The following FGF13 variants were observed in gnomAD, a reference collection of about 807,000 sequenced individuals.
FGF13 encodes the protein fibroblast growth factor homologous factor 2.
FGF13 carries 2 observed loss-of-function variants against 19.5 expected under a neutral mutation model. The ratio of observed to expected loss-of-function variants is 0.10; its 90% CI spans 0.04 to 0.32. The LOEUF is 0.32. Ranked by LOEUF, FGF13 falls within the 10% of genes least tolerant of loss-of-function variation. The pLI is 1.00. For synonymous variants in FGF13, 72 were observed against 76.9 expected (o/e 0.94, Z 0.33); for missense variants, 113 against 192.7 (o/e 0.59, Z 2.45).
intron 3 of FGF13, among the ~76,000 whole-genome samples, chrX:138,640,768 G>A (rs1383259033): frequency 9.0e-6 from 1 of 111,530 alleles, no homozygotes; most frequent in Non-Finnish European, 1.9e-5. Context: ...AAGTAATTTG[G>A]CAAACATAGG....
intron 1 of FGF13, among the ~76,000 whole-genome samples, chrX:139,186,869 C>T (rs1219355914): frequency 8.9e-6 from 1 of 111,933 alleles, no homozygotes; most frequent in East Asian, 2.8e-4. Flanking sequence ...TGATCCCAGC[C>T]GATCTCTCTC....
In FGF13 at chrX:138,632,864, T is replaced by G. The variant is rs779026537; in HGVS notation, c.724A>C (p.Asn242His). 6.6e-6 allele frequency: 8 copies of G among 1,209,434 alleles called. No homozygotes were observed. In the Admixed American group the frequency reaches 1.7e-4, roughly 26 times the overall value. ...GCCCTCACTGGCTACGTTGATTCAT[T>G]GTGGCTCATGGATTTGCCTCCGTTC... ...VLNGGKSMSHNEST is the reference protein window; with the variant it reads ...VLNGGKSMSHHEST Residue 242 changes from asparagine to histidine, a missense_variant, in exon 5 of 5, where the codon AAT becomes CAT. This residue lies in a region of FGF13 where 43 missense variants were observed against 41.4 expected (regional missense o/e 1.04). Coordinates refer to ENST00000315930, the MANE Select transcript of FGF13 (RefSeq NM_004114.5).
At chrX:138,694,447 T>TTTTA (rs2089870942) in intron 3 of FGF13, among the ~76,000 whole-genome samples, 1 of 104,642 alleles carries the variant, frequency 9.6e-6, no homozygotes, top group African/African-American at 3.5e-5. Flanking sequence ...TTTTCTTTTC[T>TTTTA]TTTCTTTTTT....
chrX:139,153,513 T>C (rs2083952328), intron 1 of FGF13, among the ~76,000 whole-genome samples: 1 of 111,143 alleles, frequency 9.0e-6, no homozygotes, highest in Non-Finnish European at 1.9e-5. Context: ...TTTCCTCCTC[T>C]TCTAACATCT....
intron 1 of FGF13, among the ~76,000 whole-genome samples, chrX:139,154,389 A>G (rs1009939454): frequency 7.1e-5 from 8 of 111,894 alleles, no homozygotes; most frequent in Non-Finnish European, 1.1e-4. Context: ...TGGATTGACC[A>G]ACTCCAAATC....
intron 1 of FGF13, among the ~76,000 whole-genome samples, chrX:139,036,828 T>G (rs1354501766): frequency 9.0e-6 from 1 of 110,933 alleles, no homozygotes. Context: ...GGGAACTCTT[T>G]TTAAAACCAT....
Position 139,098,698 on chromosome X carries a change from G to A in FGF13, c.-113+104718C>T, listed in dbSNP as rs143634640. On this transcript the variant is annotated intron_variant, in intron 1 of 2. Coordinates refer to the FGF13 transcript ENST00000421460. Reference sequence around the variant, plus strand: ...TAAACGCTGGGTACGCAGAAACACAGAGATGGGAACAATAGGCACTGGAGA... The same window carrying A: ...TAAACGCTGGGTACGCAGAAACACAAAGATGGGAACAATAGGCACTGGAGA... Among the ~76,000 whole-genome samples the A allele has an allele frequency of 5.7e-3, 636 of 111,210 alleles. 2 individuals are homozygous for A. The highest frequency in any genetic ancestry group is 9.3e-3 in the Middle Eastern group (2 of 216).
chrX:138,951,135 C>T (rs971434110), intron 1 of FGF13, among the ~76,000 whole-genome samples: 1 of 111,577 alleles, frequency 9.0e-6, no homozygotes, highest in African/African-American at 3.3e-5. Flanking sequence ...GGTCACGCTG[C>T]TGGGACTGGA....
At chrX:138,983,414 T>TTTTATATATATATATA (rs2091972215) in intron 1 of FGF13, among the ~76,000 whole-genome samples, 1 of 81,196 alleles carries the variant, frequency 1.2e-5, no homozygotes, top group Non-Finnish European at 2.4e-5. Flanking sequence ...TAAGTTGATC[T>TTTTATATATATATATA]TATATATATA....
At chrX:139,095,442 T>A (rs777804845) in intron 1 of FGF13, among the ~76,000 whole-genome samples, 1 of 111,779 alleles carries the variant, frequency 8.9e-6, no homozygotes, top group African/African-American at 3.3e-5. Context: ...GGGCAGAGGT[T>A]ACTCACATAA....
chrX:138,817,396 T>A (rs757581902), intron 3 of FGF13, among the ~76,000 whole-genome samples: 1 of 112,168 alleles, frequency 8.9e-6, no homozygotes, highest in East Asian at 2.8e-4. Flanking sequence ...TGTTTGGTTT[T>A]AAATTAAAAC....
chrX:138,831,927 G>A (rs1381652257), intron 3 of FGF13, among the ~76,000 whole-genome samples: 1 of 111,648 alleles, frequency 9.0e-6, no homozygotes, highest in African/African-American at 3.3e-5. Context: ...AGAACATGCA[G>A]TATTTAGTAT....
chrX:138,641,057 G>C (rs745432399), intron 3 of FGF13, among the ~76,000 whole-genome samples: 1 of 112,234 alleles, frequency 8.9e-6, no homozygotes, highest in East Asian at 2.8e-4. Flanking sequence ...TAAGTCCTCA[G>C]CCTGGCGAAC....
chrX:138,671,155 C>G (rs1040973425), intron 3 of FGF13, among the ~76,000 whole-genome samples: 1 of 111,140 alleles, frequency 9.0e-6, no homozygotes, highest in Admixed American at 9.6e-5. Context: ...TTCAAATACT[C>G]ACAATGCTCC....
At chrX:138,745,835 T>C (rs1431342773) in intron 3 of FGF13, among the ~76,000 whole-genome samples, 1 of 111,498 alleles carries the variant, frequency 9.0e-6, no homozygotes, top group Non-Finnish European at 1.9e-5. Context: ...AGATGAGAGA[T>C]ACCTGCAGAA....
At chrX:138,927,091 G>A (rs752225310) in intron 1 of FGF13, among the ~76,000 whole-genome samples, 1 of 111,940 alleles carries the variant, frequency 8.9e-6, no homozygotes, top group Admixed American at 9.4e-5. Flanking sequence ...TGCACCAACC[G>A]ACCTAACGCA....
intron 1 of FGF13, among the ~76,000 whole-genome samples, chrX:138,957,605 G>T (rs768659823): frequency 1.6e-3 from 174 of 111,290 alleles, no homozygotes; most frequent in Non-Finnish European, 2.7e-3. Flanking sequence ...AATTACCTTG[G>T]GCAGTATGGC....
intron 1 of FGF13, among the ~76,000 whole-genome samples, chrX:139,102,389 T>G (rs959696016): frequency 9.0e-6 from 1 of 111,241 alleles, no homozygotes; most frequent in Non-Finnish European, 1.9e-5. Flanking sequence ...AAAAAAAAAG[T>G]CATTGTCAGC....
intron 3 of FGF13, among the ~76,000 whole-genome samples, chrX:138,700,678 T>C: frequency 8.9e-6 from 1 of 111,871 alleles, no homozygotes; most frequent in Non-Finnish European, 1.9e-5. Context: ...TGGAGCAGAC[T>C]AATTTGGATA....
Sources: gnomAD v4.1 joint callset for allele counts (sites outside exome capture counted in the v4.1 genomes callset) on GRCh38, gnomAD v4.1.1 for gene constraint, gnomAD v4.1.1 regional missense constraint, MANE v1.5 for transcripts, NCBI Gene and HGNC (gene_info 2026-07-23, HGNC 2026-07-21) for gene names.